Variants in MLIP observed in about 807,000 individuals in gnomAD.
MLIP encodes muscular LMNA interacting protein, also known as muscular LMNA-interacting protein.
Under a neutral mutation model 84.8 loss-of-function variants are expected in MLIP, and 79 were observed. That is an observed-to-expected ratio of 0.93 (90% confidence interval 0.78 to 1.12). MLIP has a LOEUF of 1.12. Ranked by LOEUF, MLIP falls within the 50% of genes most tolerant of loss-of-function variation. The pLI is 0.00. For synonymous variants in MLIP, 504 were observed against 463.0 expected (o/e 1.09, Z -1.14); for missense variants, 1,257 against 1,160.6 (o/e 1.08, Z -1.21).
chr6:54,216,647 T>C (rs1274511893), intron 11 of MLIP: 17 of 976,776 alleles, frequency 1.7e-5, no homozygotes, highest in Non-Finnish European at 1.9e-5. Context: ...AAGCATATGC[T>C]AAATTTTTCA....
At chr6:54,035,653 C>T (rs192397782) in intron 1 of MLIP, among the ~76,000 whole-genome samples, 4 of 151,964 alleles carry the variant, frequency 2.6e-5, no homozygotes, top group Admixed American at 2.0e-4. Flanking sequence ...TTTGTTTTAG[C>T]TATTTTAATA....
At chr6:54,211,732 C>G (rs1233909021) in intron 11 of MLIP, among the ~76,000 whole-genome samples, 1 of 152,136 alleles carries the variant, frequency 6.6e-6, no homozygotes, top group African/African-American at 2.4e-5. Context: ...AGGGATAATG[C>G]CAAAAATCCT....
At chr6:54,111,334 G>T, upstream of MLIP, 1 of 1,367,284 alleles carries the variant, frequency 7.3e-7, no homozygotes, top group Non-Finnish European at 9.6e-7. Context: ...CTTCGGAGCT[G>T]ACACAATTCC....
intron 2 of MLIP, among the ~76,000 whole-genome samples, chr6:54,122,581 T>A (rs951174630): frequency 2.1e-4 from 32 of 152,336 alleles, no homozygotes; most frequent in Admixed American, 1.3e-3. Flanking sequence ...CAAGAAAACA[T>A]CTTATCTAGA....
chr6:54,118,296 A>G (rs181379485), intron 1 of MLIP, among the ~76,000 whole-genome samples: 6 of 152,362 alleles, frequency 3.9e-5, no homozygotes, highest in Admixed American at 1.3e-4. Context: ...TAACCAAAAT[A>G]GCATGATGCT....
Position 54,105,927 on chromosome 6 carries a change from A to C in MLIP, c.64-15520A>C, listed in dbSNP as rs542258699. 3.9e-5 allele frequency among the ~76,000 whole-genome samples: 6 copies of C among 152,298 alleles called. No homozygotes were observed. In the South Asian group the frequency reaches 1.2e-3, roughly 32 times the overall value. On this transcript the variant is annotated intron_variant, in intron 1 of 12. Transcript: ENST00000274897. The stretch of plus-strand genomic sequence containing the variant: ...TATGAGAACTGATACTCTTGGTAAC[A>C]CAGGAATCTAGTGGAGAGTTTTGCC...
At chr6:54,027,731 T>A (rs1328317661) in intron 1 of MLIP, among the ~76,000 whole-genome samples, 1 of 152,312 alleles carries the variant, frequency 6.6e-6, no homozygotes, top group African/African-American at 2.4e-5. Flanking sequence ...AGATTTCTAC[T>A]TTATGGTTCA....
intron 1 of MLIP, among the ~76,000 whole-genome samples, chr6:54,051,762 A>C (rs575003946): frequency 6.6e-6 from 1 of 152,296 alleles, no homozygotes; most frequent in African/African-American, 2.4e-5. Context: ...TGATGGTCTT[A>C]TCTAACCATA....
chr6:54,176,427 T>C (rs1396381534), intron 9 of MLIP, among the ~76,000 whole-genome samples: 1 of 152,072 alleles, frequency 6.6e-6, no homozygotes, highest in Non-Finnish European at 1.5e-5. Flanking sequence ...TTGTTATTGA[T>C]CTGTTCAGGC....
At chr6:54,244,533 A>G (rs575581669) in intron 12 of MLIP, among the ~76,000 whole-genome samples, 19 of 152,324 alleles carry the variant, frequency 1.2e-4, no homozygotes, top group African/African-American at 4.1e-4. Context: ...ATGAATGTCA[A>G]TGAGCAGATA....
chr6:54,230,662 G>C, intron 11 of MLIP, 52 bp from the exon 12 acceptor site: 1 of 1,556,554 alleles, frequency 6.4e-7, no homozygotes, highest in Non-Finnish European at 8.8e-7. Flanking sequence ...TTCCAAGCGT[G>C]CTTGACTTTT....
chr6:54,240,439 A>G (rs1454033522), intron 12 of MLIP, among the ~76,000 whole-genome samples: 3 of 152,116 alleles, frequency 2.0e-5, no homozygotes, highest in Non-Finnish European at 4.4e-5. Context: ...TTCTGCCCCC[A>G]GAGAAATATT....
chr6:54,263,037 C>T (rs9474780), intron 13 of MLIP, among the ~76,000 whole-genome samples: 1 of 151,980 alleles, frequency 6.6e-6, no homozygotes, highest in African/African-American at 2.4e-5. Flanking sequence ...CCTTCAAAGT[C>T]ATCTCAACAG....
At chr6:54,044,748 C>G (rs1193339285) in intron 1 of MLIP, among the ~76,000 whole-genome samples, 1 of 151,312 alleles carries the variant, frequency 6.6e-6, no homozygotes, top group African/African-American at 2.4e-5. Flanking sequence ...GGTGTTAGGT[C>G]GGTGAAATTA....
chr6:54,252,680 C>T, intron 12 of MLIP, among the ~76,000 whole-genome samples: 1 of 151,538 alleles, frequency 6.6e-6, no homozygotes, highest in Non-Finnish European at 1.5e-5. Flanking sequence ...TCTTTAGCTT[C>T]ATCTAAAAGG....
chr6:54,081,720 A>G (rs1282641000), intron 1 of MLIP, among the ~76,000 whole-genome samples: 2 of 151,992 alleles, frequency 1.3e-5, no homozygotes, highest in African/African-American at 2.4e-5. Flanking sequence ...GCCAGGGTCC[A>G]TATGTTTTTA....
At chr6:54,176,202 A>G (rs1056329744) in intron 9 of MLIP, among the ~76,000 whole-genome samples, 1 of 151,688 alleles carries the variant, frequency 6.6e-6, no homozygotes. Context: ...AGTTTGACGT[A>G]TCTTTCTGGC....
rs373165410 is a variant in MLIP at position 54,151,976 on chromosome 6, G to T, written c.2289+2849G>T. Among the ~76,000 whole-genome samples, 8 of 151,960 alleles carry T rather than the reference G, an allele frequency of 5.3e-5. No homozygotes were observed. In the East Asian group the frequency reaches 1.4e-3, roughly 26 times the overall value. On this transcript the variant is annotated intron_variant, in intron 5 of 13. Transcript: ENST00000502396. ...GTTGGCAGGGAACATGAGGTTTCTG[G>T]TACTTCTGTTCTGTAATTTATTGTC... is the stretch of plus-strand genomic sequence containing the variant.
intron 9 of MLIP, among the ~76,000 whole-genome samples, chr6:54,177,485 G>T (rs537710269): frequency 1.3e-5 from 2 of 151,888 alleles, no homozygotes; most frequent in African/African-American, 4.8e-5. Flanking sequence ...AATCAAAACC[G>T]CAATGAGATA....
Sources: allele counts gnomAD v4.1 joint callset (sites outside exome capture counted in the v4.1 genomes callset), GRCh38; gene constraint gnomAD v4.1.1; transcripts MANE v1.5; gene names NCBI Gene and HGNC (gene_info 2026-07-23, HGNC 2026-07-21).